Variants in CWC25 observed in about 807,000 individuals in gnomAD.
CWC25 encodes CWC25 spliceosome associated protein, also known as pre-mRNA-splicing factor CWC25 homolog.
A neutral mutation model predicts 54.6 loss-of-function variants in CWC25; 31 were observed. The observed-to-expected ratio is 0.57, with a 90% CI of 0.43 to 0.77. The LOEUF (loss-of-function observed/expected upper bound fraction) is 0.77, where lower values mean the gene tolerates loss of function less well. Among genes scored for constraint, CWC25 ranks in the 30% least tolerant of loss-of-function variants. The pLI, the probability that CWC25 is intolerant of heterozygous loss-of-function variation, is 0.00. For missense variants in CWC25, 453 were observed against 529.3 expected (o/e 0.86, Z 1.41); for synonymous variants, 151 against 187.0 (o/e 0.81, Z 1.57).
At chr17:38,816,434 A>G (rs529962829) in intron 2 of CWC25, among the ~76,000 whole-genome samples, 1 of 151,892 alleles carries the variant, frequency 6.6e-6, no homozygotes, top group Admixed American at 6.6e-5. Context: ...TTCAATTTTT[A>G]AACAGATGGG....
chr17:38,810,130 T>C (rs993140793), intron 5 of CWC25: 3 of 422,154 alleles, frequency 7.1e-6, no homozygotes, highest in African/African-American at 6.2e-5. Context: ...AAAGCCTATA[T>C]AAAGCCCACT....
At chr17:38,814,798 A>G (rs1461963007) in intron 3 of CWC25, 63 bp downstream of exon 3, 2 of 1,142,198 alleles carry the variant, frequency 1.8e-6, no homozygotes, top group African/African-American at 1.6e-5. Context: ...CAAGAGAATC[A>G]ATGGCCTTAG....
Position 38,802,008 on chromosome 17 carries a change from T to C in CWC25, c.*84A>G. ...GGTGGTTTGACATCTGTGAAAGAAG[T>C]CATTTGAACTCTTATAAAGAGAATT... On this transcript the variant is annotated 3_prime_UTR_variant, in exon 10 of 10. Coordinates refer to ENST00000614790, the MANE Select transcript of CWC25 (RefSeq NM_017748.5). The C allele has an allele frequency of 5.2e-6, 4 of 773,158 alleles. No individual in the cohort carries two copies. Among genetic ancestry groups the C allele is most frequent in the Non-Finnish European group, 8.4e-6 (4 of 473,792 alleles). 47.9% of individuals were successfully genotyped at this position (773,158 alleles called of 1,614,324 possible). A position where few individuals can be genotyped will look rare whatever the true frequency, so the allele number is the denominator to read the frequency against.
chr17:38,807,088 G>A (rs1282114403), intron 6 of CWC25, 112 bp from the exon 7 acceptor site: 8 of 726,724 alleles, frequency 1.1e-5, no homozygotes, highest in South Asian at 3.7e-5. Context: ...TTGGGAGGCC[G>A]AGGCGGGGGG....
At position 38,806,332 on chromosome 17, in the gene CWC25, C is replaced by T. The variant is rs372877797; in HGVS notation, c.966G>A (p.Glu322=). 3.1e-6 allele frequency: 5 copies of T among 1,613,384 alleles called. No individual in the cohort carries two copies. Among genetic ancestry groups the T allele is most frequent in the Non-Finnish European group, 2.5e-6 (3 of 1,179,690 alleles). ...GQTRSPSPKK[E]VYQRRHAPGY... Reference sequence around the variant, plus strand: ...CGGGAGCATGTCGCCTTTGGTAGACCTCTTTTTTAGGTGATGGGCTCCTAG... The same window carrying T: ...CGGGAGCATGTCGCCTTTGGTAGACTTCTTTTTTAGGTGATGGGCTCCTAG... Residue 322 remains glutamate (E), a synonymous_variant, in exon 8 of 10, where the codon GAG becomes GAA. Transcript: ENST00000614790.
At chr17:38,815,651 T>C (rs769474137) in intron 2 of CWC25, 76 of 1,287,794 alleles carry the variant, frequency 5.9e-5, no homozygotes, top group Middle Eastern at 4.2e-4. Context: ...GGAAAACCAG[T>C]GTTCCTCAAC....
chr17:38,809,780 TACAC>T lies in CWC25; in HGVS notation c.627-19_627-16del, dbSNP rs762497831. 5 of 1,611,084 alleles carry T rather than the reference TACAC, an allele frequency of 3.1e-6. No homozygotes were observed. Among genetic ancestry groups the T allele is most frequent in the Non-Finnish European group, 4.2e-6 (5 of 1,177,840 alleles). ...TCTTCTGTGATCTAAGAGATCAAAA[TACAC>T]ACACTCATTGAAAAAGAAAATATAT... On this transcript the variant is annotated splice_polypyrimidine_tract_variant and intron_variant, in intron 5 of 9. Coordinates refer to ENST00000614790, the MANE Select transcript of CWC25 (RefSeq NM_017748.5).
intron 1 of CWC25, among the ~76,000 whole-genome samples, chr17:38,823,858 C>T (rs950483868): frequency 6.6e-6 from 1 of 152,164 alleles, no homozygotes; most frequent in Non-Finnish European, 1.5e-5. Context: ...TGGATAGCTC[C>T]AGTCTAGTGG....
At chr17:38,809,648 G>A (rs780096813) in intron 6 of CWC25, 54 bp downstream of exon 6, 47 of 1,556,750 alleles carry the variant, frequency 3.0e-5, no homozygotes, top group Admixed American at 2.2e-4. Flanking sequence ...CATTGTCCAA[G>A]TGGCACATCC....
chr17:38,823,549 C>T (rs1912015437), intron 1 of CWC25, among the ~76,000 whole-genome samples: 1 of 152,012 alleles, frequency 6.6e-6, no homozygotes, highest in Non-Finnish European at 1.5e-5. Flanking sequence ...CCACAAGGTA[C>T]TTGGCATGTG....
chr17:38,806,723 C>T lies in CWC25; in HGVS notation c.902+42G>A, dbSNP rs558498240. 4,006 of 1,489,796 alleles carry T rather than the reference C, an allele frequency of 2.7e-3. 124 individuals are homozygous for T. In the South Asian group the frequency reaches 0.049, roughly 18 times the overall value. The allele number at this position is 1,489,796 out of a possible 1,614,324, so 92.3% of individuals were successfully genotyped here. On this transcript the variant is annotated intron_variant, in intron 7 of 9. Transcript: ENST00000614790. ...AAACAAATGCCTGCTGGGACCAGGC[C>T]CCCACAGTCACAGGTTATTTCCCAG...
intron 3 of CWC25, among the ~76,000 whole-genome samples, chr17:38,814,221 C>T (rs1253327127): frequency 2.0e-5 from 3 of 152,038 alleles, no homozygotes; most frequent in Non-Finnish European, 4.4e-5. Context: ...GTTCTGGAGA[C>T]AGGCTGTGGT....
intron 5 of CWC25, 28 bp from the exon 6 acceptor site, chr17:38,809,793 T>G: frequency 6.3e-7 from 1 of 1,599,388 alleles, no homozygotes; most frequent in South Asian, 1.1e-5. Flanking sequence ...ACACACTCAT[T>G]GAAAAAGAAA....
At chr17:38,806,244 C>T (rs1050448013) in intron 8 of CWC25, 53 bp downstream of exon 8, 47 of 1,458,630 alleles carry the variant, frequency 3.2e-5, no homozygotes, top group Non-Finnish European at 4.4e-5. Flanking sequence ...GTTTGAGCCC[C>T]TTCTAGATTC....
At position 38,806,863 on chromosome 17, in the gene CWC25, T is replaced by TGG. The variant is rs768391618; in HGVS notation, c.802_803dup (p.Arg269GlnfsTer39). 7.4e-6 allele frequency: 12 copies of TGG among 1,613,798 alleles called. No homozygotes were observed. The highest frequency in any genetic ancestry group is 1.0e-5 in the Non-Finnish European group (12 of 1,179,846). ...TGGTGCTCTTCTTGCTGGCATGTCT[T>TGG]GGGGGTGAGTGGGAGGAGCTTCTGG... On this transcript the variant is annotated frameshift_variant, in exon 7 of 10. Transcript: ENST00000614790. LOFTEE classifies it high-confidence loss of function.
intron 8 of CWC25, among the ~76,000 whole-genome samples, chr17:38,804,368 T>A (rs140177328): frequency 1.9e-4 from 29 of 152,006 alleles, no homozygotes; most frequent in African/African-American, 7.0e-4. Context: ...ACTATAACAG[T>A]AAGAAAATAT....
intron 3 of CWC25, 78 bp from the exon 4 acceptor site, chr17:38,812,942 TACAG>T (rs1231451140): frequency 1.6e-5 from 13 of 812,834 alleles, no homozygotes; most frequent in Non-Finnish European, 2.4e-5. Flanking sequence ...TCCAAACATA[TACAG>T]ACAAACTGGC....
At chr17:38,806,434 T>C (rs761359389) in intron 7 of CWC25, 39 bp from the exon 8 acceptor site, 40 of 1,552,604 alleles carry the variant, frequency 2.6e-5, no homozygotes, top group Non-Finnish European at 3.4e-5. Context: ...AAAAGCCTTT[T>C]TGGTCCAGGG....
chr17:38,808,296 C>G (rs1911338010), intron 6 of CWC25, among the ~76,000 whole-genome samples: 1 of 134,486 alleles, frequency 7.4e-6, no homozygotes, highest in South Asian at 2.5e-4. Context: ...ACAGGAGAAT[C>G]ACTTGAATGC....
Sources: allele counts gnomAD v4.1 joint callset (sites outside exome capture counted in the v4.1 genomes callset), GRCh38; gene constraint gnomAD v4.1.1; transcripts MANE v1.5; gene names NCBI Gene and HGNC (gene_info 2026-07-23, HGNC 2026-07-21).